ABCG4: variants seen among roughly 807,000 people sequenced by gnomAD.
ABCG4 encodes ATP-binding cassette sub-family G member 4.
ABCG4 carries 35 observed loss-of-function variants against 64.6 expected under a neutral mutation model. The observed-to-expected ratio is 0.54, with a 90% CI of 0.41 to 0.72. The LOEUF (loss-of-function observed/expected upper bound fraction) is 0.72. Among genes scored for constraint, ABCG4 ranks in the 30% least tolerant of loss-of-function variants. The pLI is 0.00. For synonymous variants in ABCG4, 326 were observed against 348.2 expected, an observed-to-expected ratio of 0.94 and a Z score of 0.71; for missense variants, 610 against 846.3, an observed-to-expected ratio of 0.72 and a Z score of 3.46.
intron 2 of ABCG4, among the ~76,000 whole-genome samples, chr11:119,151,252 GA>G (rs1023946492): frequency 6.6e-6 from 1 of 152,126 alleles, no homozygotes; most frequent in Admixed American, 6.5e-5. Flanking sequence ...AAGAAACTAA[GA>G]TTTTTTTTTA....
At chr11:119,157,663 G>A (rs1040954073) in intron 9 of ABCG4, among the ~76,000 whole-genome samples, 4 of 151,872 alleles carry the variant, frequency 2.6e-5, no homozygotes, top group African/African-American at 9.7e-5. Flanking sequence ...GTCAGGAGAT[G>A]GAGACCATCC....
Position 119,150,279 on chromosome 11 carries a change from C to T in ABCG4, c.238+76C>T. On this transcript the variant is annotated intron_variant, in intron 2 of 14. Coordinates refer to ENST00000619701, the MANE Select transcript of ABCG4 (RefSeq NM_022169.5). This position sits in a 1 kb window ranked among gnomAD's most constrained non-coding sequence, Gnocchi z 4.3. ...CTCCAGAAGCATGAGGCCTGGGTGT[C>T]CCATGTTCGGAAAGTCCTGCACCAG... 1 of 1,545,176 alleles carries T rather than the reference C, an allele frequency of 6.5e-7. No homozygotes were observed. The highest frequency in any genetic ancestry group is 8.7e-7 in the Non-Finnish European group (1 of 1,143,832).
rs749348580 is a variant in ABCG4, at chr11:119,156,528, C to T, written c.811-36C>T. The stretch of plus-strand genomic sequence containing the variant: ...AGGGGGTCAGTAGGGGTGCCTGGCC[C>T]GCTGTTCCTTCCTTACCCTTCTCTT... On this transcript the variant is annotated intron_variant, in intron 7 of 14. Coordinates refer to ENST00000619701, the MANE Select transcript of ABCG4 (RefSeq NM_022169.5). The surrounding 1 kb of genome is among the most constrained non-coding windows in gnomAD (Gnocchi z 5.5). The T allele has an allele frequency of 2.9e-5, 47 of 1,613,898 alleles. No homozygotes were observed. The highest frequency in any genetic ancestry group is 3.3e-4 in the Middle Eastern group (2 of 6,082).
Position 119,154,673 on chromosome 11 carries a change from G to A in ABCG4, c.541-97G>A. 1 of 1,594,320 alleles carries A rather than the reference G, an allele frequency of 6.3e-7. No individual in the cohort carries two copies. Among genetic ancestry groups the A allele is most frequent in the East Asian group, 2.2e-5 (1 of 44,670 alleles). ...GTGGGAGAGTGGTGGCCTAGGCCGA[G>A]ACAATGCACTTAAGGGAGATGCTTT... On this transcript the variant is annotated intron_variant, in intron 5 of 14. Coordinates refer to ENST00000619701, the MANE Select transcript of ABCG4 (RefSeq NM_022169.5). This position sits in a 1 kb window ranked among gnomAD's most constrained non-coding sequence, Gnocchi z 7.0.
In ABCG4 at chr11:119,160,565, G is replaced by A. The variant is rs1022932469; in HGVS notation, c.1624G>A (p.Ala542Thr). ...QVATFVGPVT[A>T]IPVLLFSGFF... The stretch of plus-strand genomic sequence containing the variant: ...GGCCACTTTTGTGGGCCCAGTTACC[G>A]CCATCCCTGTCCTCTTGTTCTCCGG... Residue 542 changes from alanine (A) to threonine (T), a missense_variant, in exon 14 of 15, where the codon GCC (alanine) becomes ACC (threonine). By Grantham distance (58) the Ala-to-Thr change is moderately conservative. Coordinates refer to ENST00000619701, the MANE Select transcript of ABCG4 (RefSeq NM_022169.5). The surrounding 1 kb of genome is among the most constrained non-coding windows in gnomAD (Gnocchi z 4.6). The A allele has an allele frequency of 1.1e-5, 17 of 1,611,710 alleles. No individual in the cohort carries two copies. Among genetic ancestry groups the A allele is most frequent in the Middle Eastern group, 3.3e-4 (2 of 6,080 alleles).
Position 119,161,452 on chromosome 11 carries a change from TC to T in ABCG4, c.*347del, listed in dbSNP as rs1948352090. 1 of 223,502 alleles carries T rather than the reference TC, an allele frequency of 4.5e-6. No individual in the cohort carries two copies. The highest frequency in any genetic ancestry group is 1.1e-4 in the East Asian group (1 of 9,002). 13.8% of individuals were successfully genotyped at this position (223,502 alleles called of 1,614,324 possible). A position where few individuals can be genotyped will look rare whatever the true frequency, so the allele number is the denominator to read the frequency against. On this transcript the variant is annotated 3_prime_UTR_variant, in exon 15 of 15. Coordinates refer to ENST00000619701, the MANE Select transcript of ABCG4 (RefSeq NM_022169.5). ...CTGTCTGCCTGGGAGCCCTAGGCTC[TC>T]TAGGGCCCCACTTACAACTGACCAA...
Position 119,160,798 on chromosome 11 carries a change from G to A in ABCG4, c.1716-83G>A. On this transcript the variant is annotated intron_variant, in intron 14 of 14. Coordinates refer to ENST00000619701, the MANE Select transcript of ABCG4 (RefSeq NM_022169.5). The surrounding 1 kb of genome is among the most constrained non-coding windows in gnomAD (Gnocchi z 4.6). ...CCCTGGCTGCACCCCAGGGATGACA[G>A]CATTGCAGCTGGGCTCTGGCAGTTT... is the stretch of plus-strand genomic sequence containing the variant. 6.6e-7 allele frequency: 1 copy of A among 1,520,268 alleles called. No homozygotes were observed. The highest frequency in any genetic ancestry group is 1.4e-5 in the African/African-American group (1 of 73,016). The allele number at this position is 1,520,268 out of a possible 1,614,324, so 94.2% of individuals were successfully genotyped here.
At position 119,158,244 on chromosome 11, in the gene ABCG4, C is replaced by T. The variant is rs1278975696; in HGVS notation, c.1079C>T (p.Pro360Leu). The T allele has an allele frequency of 6.3e-7, 1 of 1,588,456 alleles. No homozygotes were observed. The highest frequency in any genetic ancestry group is 8.6e-7 in the Non-Finnish European group (1 of 1,161,938). The change falls in exon 10 of 15, where the codon CCC (proline) becomes CTC (leucine). Residue 360 changes from proline to leucine, a missense_variant. By Grantham distance (98) the Pro-to-Leu change is moderately conservative. Transcript: ENST00000619701. This position sits in a 1 kb window ranked among gnomAD's most constrained non-coding sequence, Gnocchi z 4.5. Reference protein sequence around the residue: ...PCPPCPPEVDPIESHTFATST... With the variant: ...PCPPCPPEVDLIESHTFATST... ...ATTTCTTCTTCCCAGGAAGTGGATC[C>T]CATTGAAAGCCACACCTTTGCCACC...
chr11:119,157,923 C>G (rs761708934), intron 9 of ABCG4, among the ~76,000 whole-genome samples: 5 of 152,166 alleles, frequency 3.3e-5, no homozygotes, highest in Non-Finnish European at 5.9e-5. Flanking sequence ...AGGAATTATA[C>G]CCTTAGAGTT....
intron 2 of ABCG4, among the ~76,000 whole-genome samples, chr11:119,152,112 T>A (rs1948199979): frequency 6.6e-6 from 1 of 152,224 alleles, no homozygotes; most frequent in African/African-American, 2.4e-5. Context: ...TGTGAGTGGC[T>A]CTGAAAGGCA....
chr11:119,160,484 T>C lies in ABCG4; in HGVS notation c.1597-54T>C, dbSNP rs1415285028. 1 of 1,608,086 alleles carries C rather than the reference T, an allele frequency of 6.2e-7. No homozygotes were observed. The highest frequency in any genetic ancestry group is 8.5e-7 in the Non-Finnish European group (1 of 1,178,594). On this transcript the variant is annotated intron_variant, in intron 13 of 14. Transcript: ENST00000619701. This position sits in a 1 kb window ranked among gnomAD's most constrained non-coding sequence, Gnocchi z 4.6. ...GGTTAGGGTGGAGCTCTAGGAAACCTGGGTTTGTCCTGGTCACCCCTATGA... is the reference window on the plus strand; with the variant it reads ...GGTTAGGGTGGAGCTCTAGGAAACCCGGGTTTGTCCTGGTCACCCCTATGA...
Position 119,156,179 on chromosome 11 carries a change from AGTGCCTGAACC to A in ABCG4, c.687-147_687-137del, listed in dbSNP as rs1177560910. The A allele has an allele frequency of 4.9e-6, 5 of 1,029,396 alleles. No homozygotes were observed. Among genetic ancestry groups the A allele is most frequent in the Non-Finnish European group, 7.2e-6 (5 of 694,334 alleles). 63.8% of individuals were successfully genotyped at this position (1,029,396 alleles called of 1,614,324 possible). A position where few individuals can be genotyped will look rare whatever the true frequency, so the allele number is the denominator to read the frequency against. On this transcript the variant is annotated intron_variant, in intron 6 of 14. Coordinates refer to ENST00000619701, the MANE Select transcript of ABCG4 (RefSeq NM_022169.5). The surrounding 1 kb of genome is among the most constrained non-coding windows in gnomAD (Gnocchi z 5.5). ...CTCTTGGCTTCTGGGTATCCCTCCA[AGTGCCTGAACC>A]GTAAAGGATACAGATGCGGCCAGAG...
chr11:119,152,143 A>G (rs1948200767), intron 2 of ABCG4, among the ~76,000 whole-genome samples: 1 of 152,074 alleles, frequency 6.6e-6, no homozygotes, highest in Admixed American at 6.6e-5. Flanking sequence ...TGCGCCACCA[A>G]ATGTCTCTGA....
At chr11:119,159,251 C>T (rs1948312411) in intron 12 of ABCG4, among the ~76,000 whole-genome samples, 1 of 152,354 alleles carries the variant, frequency 6.6e-6, no homozygotes, top group Admixed American at 6.5e-5. Flanking sequence ...CTTTGGGAAG[C>T]CGAGGCTGGA....
At chr11:119,153,014 C>G (rs757876144) in intron 2 of ABCG4, 8 of 152,004 alleles carry the variant, frequency 5.3e-5, no homozygotes, top group Non-Finnish European at 7.4e-5. Context: ...CAATTTTTAT[C>G]CAGTGTTTGG....
rs1439510271 is a variant in ABCG4 at position 119,150,245 on chromosome 11, G to C, written c.238+42G>C. On this transcript the variant is annotated intron_variant, in intron 2 of 14. Transcript: ENST00000619701. This position sits in a 1 kb window ranked among gnomAD's most constrained non-coding sequence, Gnocchi z 4.3. ...TAGGGGGAGTCCGTGGGCCCTCTCT[G>C]AGTTGCCTCTCCAGAAGCATGAGGC... The C allele has an allele frequency of 1.3e-6, 2 of 1,593,490 alleles. No individual in the cohort carries two copies. Among genetic ancestry groups the C allele is most frequent in the Non-Finnish European group, 1.7e-6 (2 of 1,167,354 alleles).
At position 119,161,056 on chromosome 11, in the gene ABCG4, C is replaced by A. The variant is rs752815717; in HGVS notation, c.1891C>A (p.Arg631=). 5 of 1,613,882 alleles carry A rather than the reference C, an allele frequency of 3.1e-6. No individual in the cohort carries two copies. The East Asian group carries it at 1.1e-4, about 36-fold the overall frequency. ...CTTGGGCATCTTCTTCCTAGCCCTG[C>A]GGCTGCTGGCCTACCTTGTGCTGCG... The part of the protein sequence containing the change: ...LVLGIFFLAL[R]LLAYLVLRYR... The change falls in exon 15 of 15, where the codon CGG becomes AGG. Residue 631 remains arginine, a synonymous_variant. Coordinates refer to ENST00000619701, the MANE Select transcript of ABCG4 (RefSeq NM_022169.5).
At chr11:119,152,543 G>T (rs879095528) in intron 2 of ABCG4, among the ~76,000 whole-genome samples, 4 of 152,180 alleles carry the variant, frequency 2.6e-5, no homozygotes, top group African/African-American at 7.2e-5. Context: ...AATGAGCAAG[G>T]TGCTAGGTAA....
In ABCG4 at chr11:119,149,711, C is replaced by A. The variant is rs1948164945; in HGVS notation, c.-12-243C>A. 6.9e-6 allele frequency: 4 copies of A among 583,842 alleles called. No homozygotes were observed. The highest frequency in any genetic ancestry group is 1.2e-5 in the Non-Finnish European group (4 of 337,884). The allele number at this position is 583,842 out of a possible 1,614,324, so 36.2% of individuals were successfully genotyped here. On this transcript the variant is annotated intron_variant, in intron 1 of 14. Transcript: ENST00000619701. This position sits in a 1 kb window ranked among gnomAD's most constrained non-coding sequence, Gnocchi z 8.3. ...GGGGTAAGGAGATTAGAGAAGCCGC[C>A]GGGAGGAAGGAGCGATTGAGGGCTT...
Sources: allele counts gnomAD v4.1 joint callset (sites outside exome capture counted in the v4.1 genomes callset), GRCh38; gene constraint gnomAD v4.1.1; non-coding constraint Gnocchi (gnomAD v3.1); transcripts MANE v1.5; gene names NCBI Gene and HGNC (gene_info 2026-07-23, HGNC 2026-07-21).